Variants in ZC2HC1B observed in about 807,000 individuals in gnomAD.
ZC2HC1B encodes zinc finger C2HC domain-containing protein 1B.
Under a neutral mutation model 31.0 loss-of-function variants are expected in ZC2HC1B, and 36 were observed. The ratio of observed to expected loss-of-function variants is 1.16; its 90% CI spans 0.89 to 1.54. The LOEUF is 1.54. Ranked by LOEUF, ZC2HC1B falls within the 40% of genes most tolerant of loss-of-function variation. The pLI is 0.00. For missense variants in ZC2HC1B, 260 were observed against 268.6 expected, an observed-to-expected ratio of 0.97 and a Z score of 0.22; for synonymous variants, 73 against 88.0, an observed-to-expected ratio of 0.83 and a Z score of 0.95.
chr6:143,932,861 G>A (rs1778137859), intron 6 of ZC2HC1B, among the ~76,000 whole-genome samples: 1 of 152,310 alleles, frequency 6.6e-6, no homozygotes, highest in Admixed American at 6.5e-5. Flanking sequence ...AACCCTTGAT[G>A]TGGTACCCTC....
chr6:143,890,448 C>A lies in ZC2HC1B; in HGVS notation c.349+3627C>A, dbSNP rs563793347. ...GCAAGATAGAATTAGAAAGGAACTT[C>A]CTCCATAAAGGTCATCCTTGAGAAA... is the stretch of plus-strand genomic sequence containing the variant. On this transcript the variant is annotated intron_variant, in intron 4 of 7. Coordinates refer to ENST00000237275, the MANE Select transcript of ZC2HC1B (RefSeq NM_001013623.3). Among the ~76,000 whole-genome samples, 4 of 150,080 alleles carry A rather than the reference C, an allele frequency of 2.7e-5. No individual in the cohort carries two copies. The East Asian group carries it at 5.8e-4, about 22-fold the overall frequency.
In ZC2HC1B at chr6:143,922,593, C is replaced by A. The variant is rs1047126667; in HGVS notation, c.599-15056C>A. Among the ~76,000 whole-genome samples the A allele has an allele frequency of 1.3e-5, 2 of 152,190 alleles. No individual in the cohort carries two copies. The highest frequency in any genetic ancestry group is 4.8e-5 in the African/African-American group (2 of 41,452). On this transcript the variant is annotated intron_variant, in intron 6 of 7. Transcript: ENST00000237275. The surrounding 1 kb of genome is among the most constrained non-coding windows in gnomAD (Gnocchi z 5.0). ...ACATGTGATATTTGTCTTTCTGTGTCTGGCTTAATTCATTTAACAATAATG... is the reference window on the plus strand; with the variant it reads ...ACATGTGATATTTGTCTTTCTGTGTATGGCTTAATTCATTTAACAATAATG...
Position 143,913,834 on chromosome 6 carries a change from C to G in ZC2HC1B, c.598+10682C>G, listed in dbSNP as rs549367909. Among the ~76,000 whole-genome samples, 9 of 152,248 alleles carry G rather than the reference C, an allele frequency of 5.9e-5. No individual in the cohort carries two copies. The highest frequency in any genetic ancestry group is 5.2e-4 in the Admixed American group (8 of 15,294). Reference sequence around the variant, plus strand: ...CACTCCTGGTGGGCCATTGCGCCACCCTACTTTTCTTCATTCTCCGTGTAT... The same window carrying G: ...CACTCCTGGTGGGCCATTGCGCCACGCTACTTTTCTTCATTCTCCGTGTAT... On this transcript the variant is annotated intron_variant, in intron 6 of 7. Coordinates refer to ENST00000237275, the MANE Select transcript of ZC2HC1B (RefSeq NM_001013623.3). This position sits in a 1 kb window ranked among gnomAD's most constrained non-coding sequence, Gnocchi z 5.7.
chr6:143,925,262 G>A (rs577110672), intron 6 of ZC2HC1B, among the ~76,000 whole-genome samples: 8 of 135,654 alleles, frequency 5.9e-5, no homozygotes, highest in South Asian at 2.4e-4. Context: ...TGCAAGCTCC[G>A]CCTCCCGGGT....
At chr6:143,880,906 A>T (rs1777458517) in intron 1 of ZC2HC1B, among the ~76,000 whole-genome samples, 1 of 152,220 alleles carries the variant, frequency 6.6e-6, no homozygotes, top group African/African-American at 2.4e-5. Flanking sequence ...TCCCTAAGTT[A>T]CATCTTAAAT....
rs560217211 is a variant in ZC2HC1B at position 143,913,651 on chromosome 6, T to A, written c.598+10499T>A. Among the ~76,000 whole-genome samples the A allele has an allele frequency of 2.2e-3, 333 of 152,314 alleles. 2 individuals carry two copies. Among genetic ancestry groups the A allele is most frequent in the African/African-American group, 7.7e-3 (320 of 41,578 alleles). ...GTTGCTCTGCCAAGACTCTACCCAG[T>A]TCTATGTGACAGATCCAAGGCTCTG... On this transcript the variant is annotated intron_variant, in intron 6 of 7. Transcript: ENST00000237275. The surrounding 1 kb of genome is among the most constrained non-coding windows in gnomAD (Gnocchi z 5.7).
rs34994479 is a variant in ZC2HC1B, at chr6:143,877,272, C to CTTTTTTTTTTTTTTTTTTTTTTTT, written c.29-7028_29-7005dup. Among the ~76,000 whole-genome samples, 5 of 42,578 alleles carry CTTTTTTTTTTTTTTTTTTTTTTTT rather than the reference C, an allele frequency of 1.2e-4. 1 individual carries two copies. The highest frequency in any genetic ancestry group is 3.6e-4 in the African/African-American group (3 of 8,300). The allele number at this position is 42,578 out of a possible 152,430, so 27.9% of individuals were successfully genotyped here. On this transcript the variant is annotated intron_variant, in intron 1 of 7. Transcript: ENST00000237275. Reference sequence around the variant, plus strand: ...TTTCTCCTAAAGATTTTTTTAATTTCTTTTTTTTTTTTTTTTTTTTTTTTT... The same window carrying CTTTTTTTTTTTTTTTTTTTTTTTT: ...TTTCTCCTAAAGATTTTTTTAATTTCTTTTTTTTTTTTTTTTTTTTTTTTTTTTTTTTTTTTTTTTTTTTTTTTT...
At chr6:143,881,379 C>T (rs149431837) in intron 1 of ZC2HC1B, among the ~76,000 whole-genome samples, 280 of 151,440 alleles carry the variant, frequency 1.8e-3, no homozygotes, top group Non-Finnish European at 3.1e-3. Flanking sequence ...AGTGAGACCC[C>T]GTCTCCACAA....
chr6:143,935,423 T>C (rs1778165032), intron 6 of ZC2HC1B, among the ~76,000 whole-genome samples: 1 of 151,694 alleles, frequency 6.6e-6, no homozygotes, highest in African/African-American at 2.4e-5. Context: ...CAGTGTCCAT[T>C]GGTGCCAGCA....
chr6:143,916,016 C>T (rs1285056892), intron 6 of ZC2HC1B, among the ~76,000 whole-genome samples: 4 of 152,192 alleles, frequency 2.6e-5, no homozygotes, highest in Non-Finnish European at 5.9e-5. Context: ...GAAAATGTCT[C>T]CACAGCATGT....
In ZC2HC1B at chr6:143,875,464, AT is replaced by A. The variant is rs1218289899; in HGVS notation, c.29-8832del. On this transcript the variant is annotated intron_variant, in intron 1 of 7. Coordinates refer to ENST00000237275, the MANE Select transcript of ZC2HC1B (RefSeq NM_001013623.3). Reference sequence around the variant, plus strand: ...CTAACCAAGCAAATAAACTATTAGAATTTTTTTTAACTCCCTGAGCTGCAAC... The same window carrying A: ...CTAACCAAGCAAATAAACTATTAGAATTTTTTTAACTCCCTGAGCTGCAAC... Among the ~76,000 whole-genome samples, 10 of 150,178 alleles carry A rather than the reference AT, an allele frequency of 6.7e-5. 1 individual carries two copies. Among genetic ancestry groups the A allele is most frequent in the Admixed American group, 5.9e-4 (9 of 15,158 alleles).
intron 1 of ZC2HC1B, among the ~76,000 whole-genome samples, chr6:143,876,652 TGTATTAA>T (rs1225101400): frequency 2.0e-5 from 3 of 149,902 alleles, no homozygotes; most frequent in Non-Finnish European, 3.0e-5. Flanking sequence ...TAAAGGGAAA[TGTATTAA>T]GTATTAACTC....
intron 6 of ZC2HC1B, among the ~76,000 whole-genome samples, chr6:143,925,875 T>C (rs978286369): frequency 3.3e-5 from 5 of 152,160 alleles, no homozygotes; most frequent in Non-Finnish European, 7.3e-5. Flanking sequence ...CAGGAATTTA[T>C]CCATTTCCTC....
Position 143,924,709 on chromosome 6 carries a change from T to C in ZC2HC1B, c.599-12940T>C, listed in dbSNP as rs747524596. ...TTCTATGCCTAATTTGTTAAGAGTT[T>C]TAATCATGAAAAGAAGTTGAATTTT... On this transcript the variant is annotated intron_variant, in intron 6 of 7. Transcript: ENST00000237275. This position sits in a 1 kb window ranked among gnomAD's most constrained non-coding sequence, Gnocchi z 5.2. Among the ~76,000 whole-genome samples the C allele has an allele frequency of 1.2e-4, 18 of 152,230 alleles. No individual in the cohort carries two copies. The highest frequency in any genetic ancestry group is 2.4e-4 in the Non-Finnish European group (16 of 68,036).
chr6:143,909,799 T>C (rs1777838097), intron 6 of ZC2HC1B, among the ~76,000 whole-genome samples: 1 of 152,190 alleles, frequency 6.6e-6, no homozygotes, highest in South Asian at 2.1e-4. Flanking sequence ...ATCTTCTCTC[T>C]TTTCTTCTTT....
Position 143,895,486 on chromosome 6 carries a change from A to G in ZC2HC1B, c.350-3066A>G, listed in dbSNP as rs1327227544. 1.3e-5 allele frequency among the ~76,000 whole-genome samples: 2 copies of G among 152,206 alleles called. No homozygotes were observed. Among genetic ancestry groups the G allele is most frequent in the Non-Finnish European group, 2.9e-5 (2 of 68,030 alleles). Reference sequence around the variant, plus strand: ...CCAGTACTAAAGAATTTATATACATATAACTAGAGTTATATATAACATGGC... The same window carrying G: ...CCAGTACTAAAGAATTTATATACATGTAACTAGAGTTATATATAACATGGC... On this transcript the variant is annotated intron_variant, in intron 4 of 7. Transcript: ENST00000237275. The surrounding 1 kb of genome is among the most constrained non-coding windows in gnomAD (Gnocchi z 4.8).
Position 143,885,338 on chromosome 6 carries a change from C to A in ZC2HC1B, c.91-694C>A, listed in dbSNP as rs1057311630. ...CACTGCCTTTGCCAGACTGGAGCCACACCCCCTGAGAATTAGTTTGAGACC... is the reference window on the plus strand; with the variant it reads ...CACTGCCTTTGCCAGACTGGAGCCAAACCCCCTGAGAATTAGTTTGAGACC... On this transcript the variant is annotated intron_variant, in intron 2 of 7. Transcript: ENST00000237275. This position sits in a 1 kb window ranked among gnomAD's most constrained non-coding sequence, Gnocchi z 4.2. 6.6e-6 allele frequency among the ~76,000 whole-genome samples: 1 copy of A among 152,214 alleles called. No individual in the cohort carries two copies. The highest frequency in any genetic ancestry group is 1.9e-4 in the East Asian group (1 of 5,198).
At chr6:143,901,689 TAAGTG>T (rs1777740631) in intron 5 of ZC2HC1B, among the ~76,000 whole-genome samples, 1 of 152,172 alleles carries the variant, frequency 6.6e-6, no homozygotes, top group Admixed American at 6.5e-5. Context: ...GACTTATAGA[TAAGTG>T]AAGGGCCCGG....
At position 143,915,623 on chromosome 6, in the gene ZC2HC1B, A is replaced by G. The variant is rs1214480207; in HGVS notation, c.598+12471A>G. Among the ~76,000 whole-genome samples, 1 of 152,208 alleles carries G rather than the reference A, an allele frequency of 6.6e-6. No individual in the cohort carries two copies. Among genetic ancestry groups the G allele is most frequent in the Admixed American group, 6.5e-5 (1 of 15,282 alleles). ...CAAAATGTTGATAGTGATACGGACA[A>G]TGAAATCCAGGCTGAAGTGGTCTCA... On this transcript the variant is annotated intron_variant, in intron 6 of 7. Coordinates refer to ENST00000237275, the MANE Select transcript of ZC2HC1B (RefSeq NM_001013623.3). The surrounding 1 kb of genome is among the most constrained non-coding windows in gnomAD (Gnocchi z 5.2).
Sources: gnomAD v4.1 joint callset for allele counts (sites outside exome capture counted in the v4.1 genomes callset) on GRCh38, gnomAD v4.1.1 for gene constraint, Gnocchi (gnomAD v3.1) non-coding constraint, MANE v1.5 for transcripts, NCBI Gene and HGNC (gene_info 2026-07-23, HGNC 2026-07-21) for gene names.